Variants in CHST3 observed in about 807,000 individuals in gnomAD.
CHST3 encodes carbohydrate sulfotransferase 3.
In CHST3, 20 loss-of-function variants were observed where a neutral mutation model predicts 35.4. The observed-to-expected ratio is 0.57, with a 90% CI of 0.40 to 0.82. The LOEUF is 0.82. Among genes scored for constraint, CHST3 ranks in the 40% least tolerant of loss-of-function variants. The probability of loss-of-function intolerance (pLI) is 0.00; values close to 1 mark genes in which losing one functional copy is unlikely to be tolerated. For synonymous variants in CHST3, 334 were observed against 295.9 expected, an observed-to-expected ratio of 1.13 and a Z score of -1.32; for missense variants, 693 against 670.1, an observed-to-expected ratio of 1.03 and a Z score of -0.38.
rs982532545 is a variant in CHST3 at position 72,010,357 on chromosome 10, T to C, written c.*1886T>C. The C allele has an allele frequency of 3.3e-5, 5 of 152,338 alleles. No homozygotes were observed. Among genetic ancestry groups the C allele is most frequent in the African/African-American group, 9.6e-5 (4 of 41,572 alleles). The allele number at this position is 152,338 out of a possible 1,614,324, so 9.4% of individuals were successfully genotyped here. On this transcript the variant is annotated 3_prime_UTR_variant, in exon 3 of 3. Coordinates refer to ENST00000373115, the MANE Select transcript of CHST3 (RefSeq NM_004273.5). ...AATTTCTCTGTCAGATACGGCCCAT[T>C]GTAAACCCAGAGGGCTGCATTTTGG...
chr10:71,979,374 CG>C (rs1839778505), intron 1 of CHST3, among the ~76,000 whole-genome samples: 1 of 144,950 alleles, frequency 6.9e-6, no homozygotes, highest in Admixed American at 6.9e-5. Flanking sequence ...GACGGAGTCT[CG>C]GGAGGGGGGT....
chr10:72,001,975 G>T (rs1334888174), intron 1 of CHST3, among the ~76,000 whole-genome samples: 1 of 152,176 alleles, frequency 6.6e-6, no homozygotes, highest in Non-Finnish European at 1.5e-5. Flanking sequence ...GGTGAGTTCT[G>T]CGTGGGGCTT....
intron 2 of CHST3, among the ~76,000 whole-genome samples, chr10:72,006,459 C>A (rs1840039510): frequency 6.6e-6 from 1 of 152,204 alleles, no homozygotes. Context: ...CTTGATGTCA[C>A]TGAGCCCATG....
chr10:71,974,462 C>T (rs547861281), intron 1 of CHST3, among the ~76,000 whole-genome samples: 1 of 152,286 alleles, frequency 6.6e-6, no homozygotes, highest in South Asian at 2.1e-4. Flanking sequence ...ATTGGAGAGA[C>T]ATGGCAGGGG....
chr10:72,003,718 G>A (rs950011978), intron 1 of CHST3, among the ~76,000 whole-genome samples: 2 of 129,240 alleles, frequency 1.5e-5, no homozygotes, highest in African/African-American at 2.9e-5. Context: ...AAAAAAAAAA[G>A]GGAATAGACT....
At position 72,007,221 on chromosome 10, in the gene CHST3, A is replaced by G. The variant is rs1840047409; in HGVS notation, c.190A>G (p.Ser64Gly). The change falls in exon 3 of 3, where the codon AGC becomes GGC. Residue 64 changes from serine (S) to glycine (G), a missense_variant. Ser to Gly is a moderately conservative substitution (Grantham distance 56, BLOSUM62 0). Coordinates refer to ENST00000373115, the MANE Select transcript of CHST3 (RefSeq NM_004273.5). ...QIPQALADAN[S>G]TDPALILAEN... Reference sequence around the variant, plus strand: ...TCCCCAAGCTCTAGCAGATGCCAACAGCACCGACCCAGCCCTGATCTTAGC... The same window carrying G: ...TCCCCAAGCTCTAGCAGATGCCAACGGCACCGACCCAGCCCTGATCTTAGC... 6.2e-7 allele frequency: 1 copy of G among 1,614,106 alleles called. No individual in the cohort carries two copies. Among genetic ancestry groups the G allele is most frequent in the Non-Finnish European group, 8.5e-7 (1 of 1,180,056 alleles).
intron 1 of CHST3, among the ~76,000 whole-genome samples, chr10:71,972,021 G>A (rs534456741): frequency 1.1e-4 from 16 of 152,002 alleles, no homozygotes; most frequent in African/African-American, 2.7e-4. Flanking sequence ...TGGGGGTAGC[G>A]TGCCCAGGAA....
In CHST3 at chr10:72,007,576, C is replaced by T. The variant is rs1402502581; in HGVS notation, c.545C>T (p.Ala182Val). The T allele has an allele frequency of 2.5e-6, 4 of 1,608,370 alleles. No individual in the cohort carries two copies. The highest frequency in any genetic ancestry group is 1.1e-5 in the South Asian group (1 of 90,946). The stretch of plus-strand genomic sequence containing the variant: ...TTCGAGCCGGGGGGCGCCAACGCCG[C>T]GGGCTCGGCCCTGGTGTACCGCGAC... ...VSFEPGGANA[A>V]GSALVYRDVL... is the part of the protein sequence containing the mutation. Residue 182 changes from alanine (A) to valine (V), a missense_variant, in exon 3 of 3, where the codon GCG becomes GTG. By Grantham distance (64) the Ala-to-Val change is moderately conservative. Coordinates refer to ENST00000373115, the MANE Select transcript of CHST3 (RefSeq NM_004273.5).
chr10:72,003,716 A>AG (rs1840013853), intron 1 of CHST3, among the ~76,000 whole-genome samples: 2 of 150,972 alleles, frequency 1.3e-5, no homozygotes, highest in African/African-American at 4.9e-5. Context: ...AAAAAAAAAA[A>AG]AGGGAATAGA....
intron 1 of CHST3, among the ~76,000 whole-genome samples, chr10:71,972,403 G>T (rs754301670): frequency 6.6e-6 from 1 of 152,164 alleles, no homozygotes; most frequent in Non-Finnish European, 1.5e-5. Flanking sequence ...ATGGCCTATT[G>T]TGGGCACTAC....
intron 1 of CHST3, among the ~76,000 whole-genome samples, chr10:72,000,687 G>A (rs1020256323): frequency 6.6e-6 from 1 of 152,186 alleles, no homozygotes; most frequent in Non-Finnish European, 1.5e-5. Context: ...ACCAAGTAGT[G>A]CATAGAGTGT....
intron 1 of CHST3, among the ~76,000 whole-genome samples, chr10:71,970,132 C>T: frequency 6.6e-6 from 1 of 152,128 alleles, no homozygotes; most frequent in Non-Finnish European, 1.5e-5. Context: ...CTCTATTGCC[C>T]CAAATCTGGC....
At chr10:72,003,125 G>A (rs1352917495) in intron 1 of CHST3, among the ~76,000 whole-genome samples, 1 of 152,158 alleles carries the variant, frequency 6.6e-6, no homozygotes, top group Admixed American at 6.5e-5. Context: ...TGCCTCACAG[G>A]GCTTTGCTGA....
In CHST3 at chr10:72,008,324, C is replaced by T; in HGVS notation, c.1293C>T (p.Ser431=). 1 of 1,577,300 alleles carries T rather than the reference C, an allele frequency of 6.3e-7. No homozygotes were observed. The change falls in exon 3 of 3, where the codon AGC becomes AGT. Residue 431 remains serine, a synonymous_variant. Transcript: ENST00000373115. ...AGCAGTTCGAGAAGTGGCGCTTCAG[C>T]ATGCCCTTCAAGCTGGCCCAGGTGG... is the stretch of plus-strand genomic sequence containing the variant. ...SSEQFEKWRF[S]MPFKLAQVVQ...
chr10:71,966,081 C>T (rs1294394452), intron 1 of CHST3, among the ~76,000 whole-genome samples: 2 of 152,076 alleles, frequency 1.3e-5, no homozygotes, highest in Non-Finnish European at 2.9e-5. Context: ...GGGTTGGTTC[C>T]ATCAACCCTC....
chr10:72,007,805 G>A lies in CHST3; in HGVS notation c.774G>A (p.Thr258=). The A allele has an allele frequency of 6.2e-7, 1 of 1,601,398 alleles. No individual in the cohort carries two copies. The highest frequency in any genetic ancestry group is 8.5e-7 in the Non-Finnish European group (1 of 1,179,374). The stretch of plus-strand genomic sequence containing the variant: ...GCCGCTGCGGCCCCCTCAACGTGAC[G>A]CTGGCCGCAGAGGCCTGCCGCCGCA... The part of the protein sequence containing the change: ...KNRRCGPLNV[T]LAAEACRRKE... The change falls in exon 3 of 3, where the codon ACG becomes ACA. Residue 258 remains threonine, a synonymous_variant. Coordinates refer to ENST00000373115, the MANE Select transcript of CHST3 (RefSeq NM_004273.5).
At chr10:71,983,506 A>C (rs915780058) in intron 1 of CHST3, among the ~76,000 whole-genome samples, 1 of 152,178 alleles carries the variant, frequency 6.6e-6, no homozygotes, top group Admixed American at 6.5e-5. Context: ...GCTAGAGTGC[A>C]GTGGCTCAAT....
At chr10:71,982,665 CTT>C (rs1437991940) in intron 1 of CHST3, among the ~76,000 whole-genome samples, 1 of 152,086 alleles carries the variant, frequency 6.6e-6, no homozygotes, top group Non-Finnish European at 1.5e-5. Flanking sequence ...GGGAGAATCT[CTT>C]GAACCCGAGA....
chr10:72,009,501 G>C lies in CHST3; in HGVS notation c.*1030G>C, dbSNP rs568843394. 1.6e-4 allele frequency: 24 copies of C among 152,334 alleles called. No individual in the cohort carries two copies. The highest frequency in any genetic ancestry group is 5.8e-4 in the African/African-American group (24 of 41,570). 9.4% of individuals were successfully genotyped at this position (152,334 alleles called of 1,614,324 possible). Reference sequence around the variant, plus strand: ...CTCCCGAACATGTCCATATTTGAAGGCTGCCTCAGGCCTGGCAGGCAGAAG... The same window carrying C: ...CTCCCGAACATGTCCATATTTGAAGCCTGCCTCAGGCCTGGCAGGCAGAAG... On this transcript the variant is annotated 3_prime_UTR_variant, in exon 3 of 3. Coordinates refer to ENST00000373115, the MANE Select transcript of CHST3 (RefSeq NM_004273.5).
Sources: gnomAD v4.1 joint callset for allele counts (sites outside exome capture counted in the v4.1 genomes callset) on GRCh38, gnomAD v4.1.1 for gene constraint, MANE v1.5 for transcripts, NCBI Gene and HGNC (gene_info 2026-07-23, HGNC 2026-07-21) for gene names.